The following ST6GAL1 variants were observed in gnomAD, a reference collection of about 807,000 sequenced individuals.
The protein encoded by ST6GAL1 is ST6 beta-galactoside alpha-2,6-sialyltransferase 1.
A neutral mutation model predicts 38.0 loss-of-function variants in ST6GAL1; 20 were observed. The ratio of observed to expected loss-of-function variants is 0.53; its 90% CI spans 0.37 to 0.77. ST6GAL1 has a LOEUF of 0.77. Among genes scored for constraint, ST6GAL1 ranks in the 30% least tolerant of loss-of-function variants. The pLI, the probability that ST6GAL1 is intolerant of heterozygous loss-of-function variation, is 0.00. For missense variants in ST6GAL1, 432 were observed against 496.4 expected, an observed-to-expected ratio of 0.87 and a Z score of 1.23; for synonymous variants, 196 against 188.2, an observed-to-expected ratio of 1.04 and a Z score of -0.34.
chr3:187,009,777 G>A (rs995893691), intron 2 of ST6GAL1, among the ~76,000 whole-genome samples: 3 of 152,148 alleles, frequency 2.0e-5, no homozygotes, highest in Admixed American at 2.0e-4. Flanking sequence ...AGGCTGAGGC[G>A]GGTGGATCAT....
intron 2 of ST6GAL1, among the ~76,000 whole-genome samples, chr3:187,019,096 C>A (rs1261064909): frequency 6.6e-6 from 1 of 152,104 alleles, no homozygotes; most frequent in East Asian, 1.9e-4. Context: ...ACAAATAACT[C>A]AAATTTTAAA....
intron 1 of ST6GAL1, among the ~76,000 whole-genome samples, chr3:186,953,814 T>G (rs1714658556): frequency 6.6e-6 from 1 of 151,660 alleles, no homozygotes; most frequent in Non-Finnish European, 1.5e-5. Context: ...AGAGAGGTTT[T>G]TTTTTTTTTT....
intron 4 of ST6GAL1, among the ~76,000 whole-genome samples, chr3:187,049,446 G>A (rs1302115287): frequency 6.6e-6 from 1 of 152,174 alleles, no homozygotes; most frequent in Admixed American, 6.5e-5. Flanking sequence ...TGAGATCCAA[G>A]GGAAGGGGCA....
chr3:187,051,654 G>A (rs115837726), intron 5 of ST6GAL1: 204 of 328,278 alleles, frequency 6.2e-4, no homozygotes, highest in African/African-American at 2.7e-3. Flanking sequence ...ACAGCAGAGC[G>A]CAGAACATCC....
At chr3:187,005,242 C>T (rs951948915) in intron 2 of ST6GAL1, among the ~76,000 whole-genome samples, 8 of 148,488 alleles carry the variant, frequency 5.4e-5, no homozygotes, top group African/African-American at 1.7e-4. Context: ...GGTTCATTAT[C>T]TGTCATCCAT....
At chr3:187,013,596 T>C (rs1295528643) in intron 2 of ST6GAL1, among the ~76,000 whole-genome samples, 1 of 152,222 alleles carries the variant, frequency 6.6e-6, no homozygotes, top group African/African-American at 2.4e-5. Flanking sequence ...GTTTTGTTTT[T>C]GTTTTTGAGA....
At chr3:187,066,927 C>T (rs1207236724) in intron 5 of ST6GAL1, among the ~76,000 whole-genome samples, 1 of 152,030 alleles carries the variant, frequency 6.6e-6, no homozygotes, top group African/African-American at 2.4e-5. Flanking sequence ...CAGGGCCTTA[C>T]AAGGTGGTTA....
rs1451423710 is a variant in ST6GAL1 at position 187,076,544 on chromosome 3, G to A, written c.*741G>A. 3.2e-6 allele frequency: 1 copy of A among 312,988 alleles called. No individual in the cohort carries two copies. Among genetic ancestry groups the A allele is most frequent in the East Asian group, 5.1e-5 (1 of 19,688 alleles). 19.4% of individuals were successfully genotyped at this position (312,988 alleles called of 1,614,324 possible). ...GCAGGTAGGATTCAGTGTGCTCAGT[G>A]CACTGGGGATTTGGAGAGAGATGGG... On this transcript the variant is annotated 3_prime_UTR_variant, in exon 8 of 8. Coordinates refer to ENST00000169298, the MANE Select transcript of ST6GAL1 (RefSeq NM_173216.2).
At chr3:186,945,133 A>G (rs1306297962) in intron 1 of ST6GAL1, among the ~76,000 whole-genome samples, 1 of 152,064 alleles carries the variant, frequency 6.6e-6, no homozygotes, top group East Asian at 1.9e-4. Flanking sequence ...AGCTTGGGCA[A>G]CATAGCGAGA....
chr3:186,941,129 A>G (rs1714156538), intron 1 of ST6GAL1, among the ~76,000 whole-genome samples: 1 of 152,138 alleles, frequency 6.6e-6, no homozygotes, highest in Non-Finnish European at 1.5e-5. Context: ...TCAAGTGCAA[A>G]CACTGAGCTG....
chr3:187,066,931 G>C (rs565103650), intron 5 of ST6GAL1, among the ~76,000 whole-genome samples: 91 of 152,166 alleles, frequency 6.0e-4, no homozygotes, highest in African/African-American at 2.0e-3. Context: ...GCCTTACAAG[G>C]TGGTTATGTC....
At chr3:186,955,141 A>G (rs1030554713) in intron 1 of ST6GAL1, among the ~76,000 whole-genome samples, 3 of 152,190 alleles carry the variant, frequency 2.0e-5, no homozygotes, top group Non-Finnish European at 4.4e-5. Flanking sequence ...AGATGGTTAT[A>G]GATGTGTGGT....
At chr3:187,040,295 G>C in intron 3 of ST6GAL1, among the ~76,000 whole-genome samples, 1 of 152,218 alleles carries the variant, frequency 6.6e-6, no homozygotes, top group East Asian at 1.9e-4. Context: ...GGGATGGCAG[G>C]TGCAGCACTG....
intron 5 of ST6GAL1, among the ~76,000 whole-genome samples, chr3:187,071,790 A>AG (rs1298093403): frequency 5.9e-4 from 89 of 149,734 alleles, no homozygotes; most frequent in African/African-American, 2.2e-3. Context: ...AAAAAAAAAA[A>AG]AAAAAGAAAA....
At chr3:186,987,202 A>AGGAG (rs1553821937) in intron 2 of ST6GAL1, among the ~76,000 whole-genome samples, 3 of 128,394 alleles carry the variant, frequency 2.3e-5, no homozygotes, top group Admixed American at 7.6e-5. Context: ...GAGGGAGGGA[A>AGGAG]GGAAAGAAAA....
intron 2 of ST6GAL1, among the ~76,000 whole-genome samples, chr3:186,998,871 T>C (rs537989356): frequency 6.6e-6 from 1 of 152,352 alleles, no homozygotes; most frequent in South Asian, 2.1e-4. Context: ...ACGTATATTA[T>C]TTCATATAGT....
At chr3:186,980,555 C>G (rs958896142) in intron 2 of ST6GAL1, among the ~76,000 whole-genome samples, 10 of 143,302 alleles carry the variant, frequency 7.0e-5, no homozygotes, top group Admixed American at 3.7e-4. Context: ...ATCAAGAGAT[C>G]GAGACCATCC....
chr3:186,983,017 T>G (rs1177549852), intron 2 of ST6GAL1, among the ~76,000 whole-genome samples: 4 of 152,038 alleles, frequency 2.6e-5, no homozygotes, highest in Admixed American at 6.6e-5. Context: ...CTAATTACAT[T>G]TATTTGGCTG....
At chr3:186,968,076 C>T (rs529495424) in intron 2 of ST6GAL1, among the ~76,000 whole-genome samples, 21 of 152,168 alleles carry the variant, frequency 1.4e-4, no homozygotes, top group Non-Finnish European at 7.3e-5. Context: ...TTGCTTAGGC[C>T]GGGGAGTTAT....
Sources: gnomAD v4.1 joint callset for allele counts (sites outside exome capture counted in the v4.1 genomes callset) on GRCh38, gnomAD v4.1.1 for gene constraint, MANE v1.5 for transcripts, NCBI Gene and HGNC (gene_info 2026-07-23, HGNC 2026-07-21) for gene names.